The following ARAP2 variants were observed in gnomAD, a reference collection of about 807,000 sequenced individuals.
The protein encoded by ARAP2 is ArfGAP with RhoGAP domain, ankyrin repeat and PH domain 2, also known as arf-GAP with Rho-GAP domain, ANK repeat and PH domain-containing protein 2.
In ARAP2, 148 loss-of-function variants were observed where a neutral mutation model predicts 194.5. The ratio of observed to expected loss-of-function variants is 0.76; its 90% CI spans 0.67 to 0.87. The LOEUF is 0.87. ARAP2 is among the 40% of genes least tolerant of loss of function. The pLI is 0.00. For synonymous variants in ARAP2, 695 were observed against 683.5 expected, an observed-to-expected ratio of 1.02 and a Z score of -0.26; for missense variants, 2,128 against 1,989.7, an observed-to-expected ratio of 1.07 and a Z score of -1.32.
At chr4:36,157,333 C>T (rs1732796769) in intron 15 of ARAP2, 2 of 151,814 alleles carry the variant, frequency 1.3e-5, no homozygotes, top group Non-Finnish European at 2.9e-5. Flanking sequence ...CTTCTGATCA[C>T]TTATCTTTTA....
intron 1 of ARAP2, among the ~76,000 whole-genome samples, chr4:36,233,474 C>T (rs1751898864): frequency 6.6e-6 from 1 of 152,188 alleles, no homozygotes. Context: ...CTTGAGGCTT[C>T]CCAAACATGC....
At chr4:36,197,525 CT>C in intron 6 of ARAP2, among the ~76,000 whole-genome samples, 1 of 152,330 alleles carries the variant, frequency 6.6e-6, no homozygotes, top group South Asian at 2.1e-4. Flanking sequence ...GGCCAGAAGC[CT>C]CTGTGGCTGG....
chr4:36,190,332 A>G (rs1480667031), intron 7 of ARAP2, among the ~76,000 whole-genome samples: 1 of 152,180 alleles, frequency 6.6e-6, no homozygotes, highest in Non-Finnish European at 1.5e-5. Flanking sequence ...CTTTATATTT[A>G]CCTGTGTGAT....
chr4:36,232,365 C>T (rs1751653239), intron 1 of ARAP2, among the ~76,000 whole-genome samples: 1 of 152,236 alleles, frequency 6.6e-6, no homozygotes, highest in Admixed American at 6.5e-5. Flanking sequence ...ACTCCACATG[C>T]TCAACCAGAT....
intron 2 of ARAP2, among the ~76,000 whole-genome samples, chr4:36,053,476 A>C (rs548400399): frequency 6.6e-6 from 1 of 152,306 alleles, no homozygotes; most frequent in South Asian, 2.1e-4. Context: ...CCTTCCTAGG[A>C]AATCTCCACT....
intron 6 of ARAP2, among the ~76,000 whole-genome samples, chr4:36,208,407 CA>C (rs1746026292): frequency 6.6e-6 from 1 of 152,202 alleles, no homozygotes; most frequent in South Asian, 2.1e-4. Context: ...ATACTTGCAA[CA>C]GAGACCATTT....
At chr4:36,125,063 G>T in intron 21 of ARAP2, 96 bp from the exon 22 acceptor site, 1 of 723,994 alleles carries the variant, frequency 1.4e-6, no homozygotes, top group Non-Finnish European at 2.3e-6. Flanking sequence ...ACAAACAAAT[G>T]CATTTTAATA....
intron 5 of ARAP2, among the ~76,000 whole-genome samples, chr4:36,042,111 A>G (rs1424886287): frequency 2.0e-5 from 3 of 152,180 alleles, no homozygotes; most frequent in Non-Finnish European, 4.4e-5. Context: ...AATATGTATG[A>G]CAAGCCCCCA....
chr4:36,062,085 A>G (rs547294035), downstream of ARAP2, among the ~76,000 whole-genome samples: 2 of 152,254 alleles, frequency 1.3e-5, no homozygotes, highest in Non-Finnish European at 1.5e-5. Flanking sequence ...ATTTTTTGCC[A>G]TTCTGTGGAT....
chr4:36,226,511 C>G (rs183534670), intron 2 of ARAP2, among the ~76,000 whole-genome samples: 118 of 150,472 alleles, frequency 7.8e-4, no homozygotes, highest in African/African-American at 2.5e-3. Flanking sequence ...TCTTTTAAGC[C>G]CCCCCCCACA....
chr4:36,193,449 ATTAG>A (rs1191870947), intron 7 of ARAP2, 125 bp downstream of exon 7: 1 of 520,306 alleles, frequency 1.9e-6, no homozygotes, highest in African/African-American at 1.9e-5. Context: ...TAATATATTT[ATTAG>A]TTGCAACTTC....
intron 6 of ARAP2, 78 bp from the exon 7 acceptor site, chr4:36,193,725 G>T (rs79765815): frequency 2.9e-6 from 3 of 1,036,826 alleles, no homozygotes; most frequent in South Asian, 1.6e-5. Context: ...TAATGTAACC[G>T]TGTAAATATA....
rs762537267 is a variant in ARAP2, at chr4:36,147,535, A to G, written c.3199+13T>C. 6.3e-7 allele frequency: 1 copy of G among 1,599,444 alleles called. No individual in the cohort carries two copies. The highest frequency in any genetic ancestry group is 8.5e-7 in the Non-Finnish European group (1 of 1,175,266). The stretch of plus-strand genomic sequence containing the variant: ...AAAGTGTTCCAAAGATAAGGGAAGA[A>G]AAAAGCTCTTACTTAGCTCTTGCAG... On this transcript the variant is annotated intron_variant, in intron 18 of 32. Coordinates refer to ENST00000303965, the MANE Select transcript of ARAP2 (RefSeq NM_015230.4).
chr4:36,149,764 G>T (rs899950052), intron 16 of ARAP2, among the ~76,000 whole-genome samples: 2 of 151,996 alleles, frequency 1.3e-5, no homozygotes, highest in Non-Finnish European at 2.9e-5. Context: ...TTAATAATCA[G>T]TTTTGTTCAC....
chr4:36,123,075 A>G (rs561622110), intron 22 of ARAP2, among the ~76,000 whole-genome samples: 1 of 151,966 alleles, frequency 6.6e-6, no homozygotes, highest in South Asian at 2.1e-4. Flanking sequence ...AACATGCAAA[A>G]GGAACTGGAG....
In ARAP2 at chr4:36,210,665, A is replaced by G; in HGVS notation, c.1212T>C (p.Asn404=). Reference sequence around the variant, plus strand: ...ATTCAGAAGCAGTGTCTATCAAAAAATTGTTTTTGTCCTCTCGAGGTATCC... The same window carrying G: ...ATTCAGAAGCAGTGTCTATCAAAAAGTTGTTTTTGTCCTCTCGAGGTATCC... ...DIWIPREDKN[N]FLIDTASESE... The change falls in exon 6 of 33, where the codon AAT becomes AAC. Residue 404 remains asparagine, a synonymous_variant. Coordinates refer to ENST00000303965, the MANE Select transcript of ARAP2 (RefSeq NM_015230.4). 4 of 1,613,638 alleles carry G rather than the reference A, an allele frequency of 2.5e-6. No individual in the cohort carries two copies. Among genetic ancestry groups the G allele is most frequent in the Non-Finnish European group, 3.4e-6 (4 of 1,179,854 alleles).
chr4:36,185,814 A>G (rs1740411073), intron 8 of ARAP2, among the ~76,000 whole-genome samples: 1 of 151,166 alleles, frequency 6.6e-6, no homozygotes, highest in African/African-American at 2.4e-5. Flanking sequence ...CGTCTCTACT[A>G]GATACAAAAA....
intron 5 of ARAP2, among the ~76,000 whole-genome samples, chr4:36,211,580 G>T (rs1746775058): frequency 6.6e-6 from 1 of 152,058 alleles, no homozygotes. Flanking sequence ...CATTATATTA[G>T]ATTATGTCAA....
intron 1 of ARAP2, among the ~76,000 whole-genome samples, chr4:36,237,417 TTGGAGGTGGGTCTAGCAGG>T (rs907994364): frequency 2.0e-5 from 3 of 152,164 alleles, no homozygotes; most frequent in African/African-American, 4.8e-5. Context: ...ACCTCTGATG[TTGGAGGTGGGTCTAGCAGG>T]AGGGGACCTC....
Sources: allele counts gnomAD v4.1 joint callset (sites outside exome capture counted in the v4.1 genomes callset), GRCh38; gene constraint gnomAD v4.1.1; transcripts MANE v1.5; gene names NCBI Gene and HGNC (gene_info 2026-07-23, HGNC 2026-07-21).